Variants in TMEM132C observed in about 807,000 individuals in gnomAD.
The protein encoded by TMEM132C is protein phosphatase 1, regulatory subunit 152.
A neutral mutation model predicts 61.4 loss-of-function variants in TMEM132C; 29 were observed. The ratio of observed to expected loss-of-function variants is 0.47; its 90% confidence interval spans 0.35 to 0.64. The LOEUF (loss-of-function observed/expected upper bound fraction) is 0.64, where lower values mean the gene tolerates loss of function less well. Among genes scored for constraint, TMEM132C ranks in the 30% least tolerant of loss-of-function variants. TMEM132C has a pLI of 0.00. For synonymous variants in TMEM132C, 656 were observed against 633.1 expected (o/e 1.04, Z -0.54); for missense variants, 1,408 against 1,476.9 (o/e 0.95, Z 0.76).
chr12:128,590,018 T>C (rs551100653), intron 3 of TMEM132C, among the ~76,000 whole-genome samples: 3 of 152,300 alleles, frequency 2.0e-5, no homozygotes, highest in South Asian at 2.1e-4. Flanking sequence ...ACAGTGGAGG[T>C]TGTTCATTGA....
chr12:128,439,865 T>G (rs963940803), intron 2 of TMEM132C, among the ~76,000 whole-genome samples: 1 of 152,152 alleles, frequency 6.6e-6, no homozygotes, highest in Non-Finnish European at 1.5e-5. Flanking sequence ...GTGATTCTGA[T>G]AGTGCTCCCA....
chr12:128,405,130 T>C (rs910445319), intron 1 of TMEM132C, among the ~76,000 whole-genome samples: 1 of 152,044 alleles, frequency 6.6e-6, no homozygotes, highest in African/African-American at 2.4e-5. Flanking sequence ...CTGGGAGATG[T>C]TGGTGCAAGC....
At chr12:128,663,713 GTA>G (rs1954418077) in intron 4 of TMEM132C, among the ~76,000 whole-genome samples, 1 of 151,928 alleles carries the variant, frequency 6.6e-6, no homozygotes, top group African/African-American at 2.4e-5. Context: ...ATGCGTGTGT[GTA>G]TGTGTGTGTG....
intron 2 of TMEM132C, among the ~76,000 whole-genome samples, chr12:128,427,418 G>GTA (rs1251283076): frequency 7.7e-5 from 8 of 103,902 alleles, no homozygotes; most frequent in African/African-American, 2.5e-4. Context: ...GTGTGTGTGT[G>GTA]TGTGTGTGTG....
intron 1 of TMEM132C, among the ~76,000 whole-genome samples, chr12:128,340,115 T>G (rs796967788): frequency 2.6e-5 from 4 of 152,378 alleles, no homozygotes; most frequent in African/African-American, 9.6e-5. Context: ...TGTTTCTTTT[T>G]TGCTTTTCCT....
chr12:128,403,327 G>A (rs1875233111), intron 1 of TMEM132C, among the ~76,000 whole-genome samples: 1 of 152,174 alleles, frequency 6.6e-6, no homozygotes, highest in Non-Finnish European at 1.5e-5. Context: ...ATGGAGAAAG[G>A]CAAGTCCTGT....
At chr12:128,534,392 G>A (rs1216108701) in intron 2 of TMEM132C, among the ~76,000 whole-genome samples, 1 of 152,192 alleles carries the variant, frequency 6.6e-6, no homozygotes, top group Non-Finnish European at 1.5e-5. Context: ...GGGAACAGTT[G>A]GTGCTCCATG....
chr12:128,506,346 C>T (rs1872359062), intron 2 of TMEM132C, among the ~76,000 whole-genome samples: 1 of 152,116 alleles, frequency 6.6e-6, no homozygotes, highest in African/African-American at 2.4e-5. Context: ...AGTTTCCTTC[C>T]AAAAAGAGGC....
chr12:128,667,467 G>A (rs769656255), intron 4 of TMEM132C, among the ~76,000 whole-genome samples: 13 of 152,158 alleles, frequency 8.5e-5, no homozygotes, highest in Non-Finnish European at 1.8e-4. Flanking sequence ...GGAATCCCAC[G>A]GACCCAGGAG....
At chr12:128,519,867 C>T (rs892884962) in intron 2 of TMEM132C, among the ~76,000 whole-genome samples, 1 of 152,224 alleles carries the variant, frequency 6.6e-6, no homozygotes, top group Non-Finnish European at 1.5e-5. Flanking sequence ...CCGATGTTGC[C>T]TGTGCGGCCC....
In TMEM132C at chr12:128,706,265, C is replaced by G; in HGVS notation, c.3297C>G (p.Asn1099Lys). 6.5e-7 allele frequency: 1 copy of G among 1,548,144 alleles called. No homozygotes were observed. The highest frequency in any genetic ancestry group is 8.7e-7 in the Non-Finnish European group (1 of 1,144,856). The change falls in exon 9 of 9, where the codon AAC becomes AAG. Residue 1099 changes from asparagine to lysine, a missense_variant. Transcript: ENST00000435159. ...TGGGTGCCCCCAAGGAACTTAGAAACTATCTGGAGAAACTCAAAGATAAGG... is the reference window on the plus strand; with the variant it reads ...TGGGTGCCCCCAAGGAACTTAGAAAGTATCTGGAGAAACTCAAAGATAAGG... ...VAVGAPKELR[N>K]YLEKLKDKA
chr12:128,296,330 A>G (rs912296955), intron 1 of TMEM132C, among the ~76,000 whole-genome samples: 1 of 152,238 alleles, frequency 6.6e-6, no homozygotes, highest in African/African-American at 2.4e-5. Flanking sequence ...GGTGGTTTCC[A>G]GGTTAATTGA....
At chr12:128,682,866 C>T (rs754136716) in intron 5 of TMEM132C, among the ~76,000 whole-genome samples, 14 of 152,210 alleles carry the variant, frequency 9.2e-5, no homozygotes, top group Non-Finnish European at 1.5e-4. Context: ...GGAACAATCC[C>T]AGGCAACGGC....
chr12:128,312,035 C>G (rs1871986694), intron 1 of TMEM132C, among the ~76,000 whole-genome samples: 1 of 152,210 alleles, frequency 6.6e-6, no homozygotes, highest in African/African-American at 2.4e-5. Flanking sequence ...ACTCGGTTTG[C>G]AAAGTCGGGC....
At chr12:128,617,660 G>A (rs1876856178) in intron 4 of TMEM132C, among the ~76,000 whole-genome samples, 1 of 152,108 alleles carries the variant, frequency 6.6e-6, no homozygotes, top group Non-Finnish European at 1.5e-5. Flanking sequence ...ATCAGGTGGG[G>A]CAGGTGTAGA....
intron 2 of TMEM132C, among the ~76,000 whole-genome samples, chr12:128,505,566 T>C (rs1201440160): frequency 1.3e-5 from 2 of 152,174 alleles, no homozygotes; most frequent in African/African-American, 4.8e-5. Flanking sequence ...GTGTTCCTCA[T>C]ATTATAGGGC....
intron 1 of TMEM132C, among the ~76,000 whole-genome samples, chr12:128,343,782 T>C (rs1683734): frequency 0.95 from 144,127 of 152,268 alleles, 68,257 homozygotes; most frequent in East Asian, 1. Context: ...CTCACCCTGG[T>C]CACCATTATC....
chr12:128,531,169 A>G (rs1179946281), intron 2 of TMEM132C, among the ~76,000 whole-genome samples: 1 of 152,244 alleles, frequency 6.6e-6, no homozygotes, highest in Non-Finnish European at 1.5e-5. Context: ...GGACCAGAAC[A>G]GGGGAAAAAG....
intron 5 of TMEM132C, among the ~76,000 whole-genome samples, chr12:128,692,749 G>A (rs1954729401): frequency 6.6e-6 from 1 of 152,186 alleles, no homozygotes; most frequent in African/African-American, 2.4e-5. Flanking sequence ...TCATTCTGCT[G>A]TTTCCTTGCT....
Sources: allele counts gnomAD v4.1 joint callset (sites outside exome capture counted in the v4.1 genomes callset), GRCh38; gene constraint gnomAD v4.1.1; transcripts MANE v1.5; gene names NCBI Gene and HGNC (gene_info 2026-07-23, HGNC 2026-07-21).